The following LEPR variants were observed in gnomAD, a reference collection of about 807,000 sequenced individuals.
LEPR encodes the protein OB receptor.
A neutral mutation model predicts 114.7 loss-of-function variants in LEPR; 56 were observed. The observed-to-expected ratio is 0.49, with a 90% CI of 0.39 to 0.61. LEPR has a LOEUF of 0.61. LEPR is among the 20% of genes least tolerant of loss of function. The probability of loss-of-function intolerance (pLI) is 0.00; values close to 1 mark genes in which losing one functional copy is unlikely to be tolerated. For synonymous variants in LEPR, 443 were observed against 461.4 expected (o/e 0.96, Z 0.51); for missense variants, 1,202 against 1,352.9 (o/e 0.89, Z 1.75).
chr1:65,445,790 AC>A lies in LEPR; in HGVS notation c.-21+20413del, dbSNP rs747020398. Among the ~76,000 whole-genome samples, 415 of 152,274 alleles carry A rather than the reference AC, an allele frequency of 2.7e-3. 2 individuals are homozygous for A. The highest frequency in any genetic ancestry group is 0.024 in the Middle Eastern group (7 of 294). On this transcript the variant is annotated intron_variant, in intron 2 of 19. Coordinates refer to ENST00000349533, the MANE Select transcript of LEPR (RefSeq NM_002303.6). ...TAAGAAATTTCAACTAATATAGAAG[AC>A]TTAATCAATTCTCAATTACATGTTG...
chr1:65,482,763 G>C (rs947242874), intron 2 of LEPR, among the ~76,000 whole-genome samples: 1 of 152,084 alleles, frequency 6.6e-6, no homozygotes, highest in Admixed American at 6.6e-5. Flanking sequence ...CAAGGCAGGC[G>C]TATCACAAGG....
At chr1:65,486,053 A>G (rs1647469861) in intron 2 of LEPR, among the ~76,000 whole-genome samples, 1 of 152,096 alleles carries the variant, frequency 6.6e-6, no homozygotes. Context: ...AGTTATCTCC[A>G]CTTGCTGTAG....
At chr1:65,619,818 T>A in intron 16 of LEPR, 110 bp from the exon 17 acceptor site, 2 of 898,402 alleles carry the variant, frequency 2.2e-6, no homozygotes, top group East Asian at 5.4e-5. Flanking sequence ...ATAAGTAATT[T>A]CTATGTTTGG....
chr1:65,636,538 T>A lies in LEPR; in HGVS notation c.3021T>A (p.Ser1007Arg), dbSNP rs1658726342. 1 of 1,614,078 alleles carries A rather than the reference T, an allele frequency of 6.2e-7. No individual in the cohort carries two copies. Among genetic ancestry groups the A allele is most frequent in the Non-Finnish European group, 8.5e-7 (1 of 1,179,994 alleles). ...GTGAAGAACAAGGGCTTATAAATAG[T>A]TCAGTCACCAAGTGCTTCTCTAGCA... is the stretch of plus-strand genomic sequence containing the variant. ...ETGEEQGLIN[S>R]SVTKCFSSKN... The change falls in exon 20 of 20, where the codon AGT becomes AGA. Residue 1007 changes from serine to arginine, a missense_variant. Transcript: ENST00000349533.
chr1:65,606,966 A>G (rs1656853738), intron 11 of LEPR, among the ~76,000 whole-genome samples: 5 of 152,200 alleles, frequency 3.3e-5, no homozygotes. Flanking sequence ...ACCTTTACAC[A>G]GTGTTGGTTT....
Position 65,613,781 on chromosome 1 carries a change from A to C in LEPR, c.1996-2227A>C, listed in dbSNP as rs905953066. On this transcript the variant is annotated intron_variant, in intron 14 of 19. Coordinates refer to ENST00000349533, the MANE Select transcript of LEPR (RefSeq NM_002303.6). ...TCTCAAAAAAAAAAAAAAAAAAAAAAACCAAGTATCTGAACAAAAACCTAG... is the reference window on the plus strand; with the variant it reads ...TCTCAAAAAAAAAAAAAAAAAAAAACACCAAGTATCTGAACAAAAACCTAG... Among the ~76,000 whole-genome samples, 37 of 150,482 alleles carry C rather than the reference A, an allele frequency of 2.5e-4. 2 individuals are homozygous for C. Among genetic ancestry groups the C allele is most frequent in the Admixed American group, 4.6e-4 (7 of 15,150 alleles).
chr1:65,524,499 C>T (rs1009236069), intron 2 of LEPR, among the ~76,000 whole-genome samples: 2 of 152,198 alleles, frequency 1.3e-5, no homozygotes. Flanking sequence ...GAAGGAGAAG[C>T]TCCATTTGCG....
intron 2 of LEPR, chr1:65,427,694 A>C (rs566865310): frequency 2.1e-5 from 5 of 239,610 alleles, no homozygotes; most frequent in African/African-American, 6.8e-5. Context: ...TCTGTGATAC[A>C]CTGTCTTTGT....
At chr1:65,532,153 T>G (rs1312955948) in intron 2 of LEPR, among the ~76,000 whole-genome samples, 1 of 152,186 alleles carries the variant, frequency 6.6e-6, no homozygotes, top group Admixed American at 6.5e-5. Context: ...TATGCTGCAG[T>G]AACAGATAAT....
intron 2 of LEPR, among the ~76,000 whole-genome samples, chr1:65,512,401 C>T (rs1275780550): frequency 1.3e-5 from 2 of 152,162 alleles, no homozygotes; most frequent in Non-Finnish European, 2.9e-5. Flanking sequence ...GATGAAGGTC[C>T]TCAGATCTGA....
At position 65,467,493 on chromosome 1, in the gene LEPR, G is replaced by A. The variant is rs144210580; in HGVS notation, c.-21+42115G>A. 3.6e-3 allele frequency among the ~76,000 whole-genome samples: 546 copies of A among 152,252 alleles called. 5 individuals carry two copies. The highest frequency in any genetic ancestry group is 0.013 in the African/African-American group (524 of 41,556). On this transcript the variant is annotated intron_variant, in intron 2 of 19. Coordinates refer to ENST00000349533, the MANE Select transcript of LEPR (RefSeq NM_002303.6). The stretch of plus-strand genomic sequence containing the variant: ...CCCAGTAAGGCTACACGGGGGTCAG[G>A]GACCCACTTGAGGAGGCAGTCTGTC...
chr1:65,459,951 T>C (rs893803913), intron 2 of LEPR, among the ~76,000 whole-genome samples: 1 of 152,198 alleles, frequency 6.6e-6, no homozygotes, highest in Non-Finnish European at 1.5e-5. Flanking sequence ...TGGGTCTTTG[T>C]TAAATGTGAC....
intron 11 of LEPR, 150 bp downstream of exon 11, chr1:65,605,387 C>T (rs1292022317): frequency 2.4e-5 from 24 of 985,692 alleles, no homozygotes; most frequent in Middle Eastern, 5.7e-4. Context: ...GAAAATCAGC[C>T]TTAGGAAGTT....
rs567966814 is a variant in LEPR at position 65,468,230 on chromosome 1, C to G, written c.-21+42852C>G. On this transcript the variant is annotated intron_variant, in intron 2 of 19. Transcript: ENST00000349533. ...AGAGGAGACTAAGGAGACATGCTGA[C>G]TCAATGTAATGTGGTGTCCTGGATG... Among the ~76,000 whole-genome samples, 9 of 152,164 alleles carry G rather than the reference C, an allele frequency of 5.9e-5. No individual in the cohort carries two copies. In the South Asian group the frequency reaches 6.2e-4, roughly 10 times the overall value.
chr1:65,467,521 T>A (rs1647030032), intron 2 of LEPR, among the ~76,000 whole-genome samples: 1 of 152,154 alleles, frequency 6.6e-6, no homozygotes, highest in Non-Finnish European at 1.5e-5. Context: ...AGTCTGTCCA[T>A]TCTCAGAGCT....
chr1:65,427,150 T>C (rs981221092), intron 2 of LEPR, among the ~76,000 whole-genome samples: 1 of 152,220 alleles, frequency 6.6e-6, no homozygotes, highest in African/African-American at 2.4e-5. Context: ...CGGTCACTTA[T>C]ATTTGTTTAG....
intron 2 of LEPR, among the ~76,000 whole-genome samples, chr1:65,474,226 A>G (rs1301686317): frequency 6.6e-6 from 1 of 152,150 alleles, no homozygotes; most frequent in East Asian, 1.9e-4. Flanking sequence ...GATTCTGTAC[A>G]TCTCCTGATA....
intron 2 of LEPR, among the ~76,000 whole-genome samples, chr1:65,431,185 C>T (rs6660481): frequency 0.29 from 43,813 of 151,986 alleles, 7,950 homozygotes; most frequent in Non-Finnish European, 0.4. Flanking sequence ...CCTTCTTAAG[C>T]GCTGCAGTAA....
chr1:65,501,374 C>T (rs1648441923), intron 2 of LEPR, among the ~76,000 whole-genome samples: 1 of 151,620 alleles, frequency 6.6e-6, no homozygotes, highest in Non-Finnish European at 1.5e-5. Context: ...TAACTCTAAT[C>T]TCTGCCTCCA....
Sources: allele counts gnomAD v4.1 joint callset (sites outside exome capture counted in the v4.1 genomes callset), GRCh38; gene constraint gnomAD v4.1.1; transcripts MANE v1.5; gene names NCBI Gene and HGNC (gene_info 2026-07-23, HGNC 2026-07-21).